Variants in TRMT1L observed in about 807,000 individuals in gnomAD.
The protein encoded by TRMT1L is tRNA (guanine(27)-N(2))-dimethyltransferase.
A neutral mutation model predicts 81.6 loss-of-function variants in TRMT1L; 28 were observed. That is an observed-to-expected ratio of 0.34 (90% CI 0.25 to 0.47). TRMT1L has a LOEUF of 0.47. TRMT1L is among the 20% of genes least tolerant of loss of function. The pLI is 1.00. For missense variants in TRMT1L, 739 were observed against 877.1 expected (o/e 0.84, Z 1.99); for synonymous variants, 301 against 303.2 (o/e 0.99, Z 0.07).
chr1:185,150,400 T>C lies in TRMT1L; in HGVS notation c.439A>G (p.Lys147Glu), dbSNP rs1653309217. The C allele has an allele frequency of 1.9e-6, 3 of 1,613,200 alleles. No homozygotes were observed. Among genetic ancestry groups the C allele is most frequent in the African/African-American group, 1.3e-5 (1 of 74,924 alleles). Residue 147 changes from lysine (K) to glutamate (E), a missense_variant, in exon 3 of 15, where the codon AAA (lysine) becomes GAA (glutamate). Around this residue, in one of 4 missense-constraint regions of TRMT1L, gnomAD observed 331 missense variants for 462.2 expected, o/e 0.72. Coordinates refer to ENST00000367506, the MANE Select transcript of TRMT1L (RefSeq NM_030934.5). ...LRRHLQNLHW[K>E]VSVEFEGYRM... The stretch of plus-strand genomic sequence containing the variant: ...TAACCTTCAAATTCAACTGAGACTT[T>C]CCAGTGTAAATTCTGGAGGTGACGA...
In TRMT1L at chr1:185,156,509, G is replaced by C. The variant is rs1425674458; in HGVS notation, c.204C>G (p.Ser68=). The C allele has an allele frequency of 6.2e-7, 1 of 1,613,842 alleles. No individual in the cohort carries two copies. The highest frequency in any genetic ancestry group is 1.7e-5 in the Admixed American group (1 of 60,012). ...ALAQAPALSP[S]LASAPEEAKS... ...TAGCCTCCTCAGGGGCAGAGGCTAG[G>C]GACGGGGACAGGGCCGGAGCCTGGG... Residue 68 remains serine (S), a synonymous_variant, in exon 1 of 15, where the codon TCC becomes TCG. Transcript: ENST00000367506.
At position 185,119,240 on chromosome 1, in the gene TRMT1L, T is replaced by G. The variant is rs1403896174; in HGVS notation, c.*779A>C. 1 of 152,114 alleles carries G rather than the reference T, an allele frequency of 6.6e-6. No homozygotes were observed. The highest frequency in any genetic ancestry group is 1.5e-5 in the Non-Finnish European group (1 of 67,998). 9.4% of individuals were successfully genotyped at this position (152,114 alleles called of 1,614,324 possible). ...GTAGTACAACCAACCAAATGAATAC[T>G]GTACGTGCATTAACTGAGGCACTTA... On this transcript the variant is annotated 3_prime_UTR_variant, in exon 15 of 15. Transcript: ENST00000367506.
chr1:185,131,063 G>A lies in TRMT1L; in HGVS notation c.1514-2316C>T, dbSNP rs573774999. On this transcript the variant is annotated intron_variant, in intron 10 of 14. Coordinates refer to ENST00000367506, the MANE Select transcript of TRMT1L (RefSeq NM_030934.5). ...TGCCTAGGCTCAAGTGCAGTGGTGC[G>A]ATCTTGGCTCACTGCAAGCTCCGCC... is the stretch of plus-strand genomic sequence containing the variant. 1.8e-4 allele frequency among the ~76,000 whole-genome samples: 27 copies of A among 151,832 alleles called. No homozygotes were observed. The East Asian group carries it at 3.9e-3, about 22-fold the overall frequency.
chr1:185,153,884 T>C (rs1197529950), intron 1 of TRMT1L, among the ~76,000 whole-genome samples: 1 of 152,218 alleles, frequency 6.6e-6, no homozygotes, highest in Non-Finnish European at 1.5e-5. Flanking sequence ...TTCTTGATAT[T>C]AGCACCTTCT....
intron 9 of TRMT1L, 29 bp from the exon 10 acceptor site, chr1:185,137,825 T>C (rs1468814526): frequency 1.2e-6 from 2 of 1,606,594 alleles, no homozygotes; most frequent in South Asian, 2.2e-5. Context: ...AGTTATTTTG[T>C]GGGCTTATCA....
At chr1:185,136,421 A>T (rs192586008) in intron 10 of TRMT1L, among the ~76,000 whole-genome samples, 3 of 152,224 alleles carry the variant, frequency 2.0e-5, no homozygotes, top group East Asian at 1.9e-4. Context: ...GAAAAAAAAT[A>T]AAAAAATAGA....
At chr1:185,151,707 C>T in intron 2 of TRMT1L, 118 bp downstream of exon 2, 3 of 545,178 alleles carry the variant, frequency 5.5e-6, no homozygotes, top group African/African-American at 2.0e-5. Context: ...TGTATTTTAC[C>T]ACTGTTCTAG....
intron 9 of TRMT1L, 51 bp downstream of exon 9, chr1:185,139,316 C>CT: frequency 1.4e-6 from 2 of 1,469,922 alleles, no homozygotes; most frequent in Non-Finnish European, 1.9e-6. Flanking sequence ...AATATTATCT[C>CT]TTTTTATCAA....
chr1:185,127,876 G>A (rs528049691), intron 11 of TRMT1L, among the ~76,000 whole-genome samples: 6 of 152,054 alleles, frequency 3.9e-5, no homozygotes, highest in Non-Finnish European at 8.8e-5. Flanking sequence ...TACTTTGGGA[G>A]GCTGAGCCAG....
At chr1:185,144,121 T>C in intron 5 of TRMT1L, 92 bp from the exon 6 acceptor site, 1 of 1,194,770 alleles carries the variant, frequency 8.4e-7, no homozygotes, top group Non-Finnish European at 1.1e-6. Flanking sequence ...TGTAAACATC[T>C]AAAACAATAA....
intron 11 of TRMT1L, among the ~76,000 whole-genome samples, chr1:185,127,876 G>T (rs528049691): frequency 6.6e-6 from 1 of 152,172 alleles, no homozygotes; most frequent in South Asian, 2.1e-4. Context: ...TACTTTGGGA[G>T]GCTGAGCCAG....
intron 11 of TRMT1L, among the ~76,000 whole-genome samples, chr1:185,125,491 C>A (rs1250275367): frequency 6.6e-6 from 1 of 151,976 alleles, no homozygotes; most frequent in African/African-American, 2.4e-5. Flanking sequence ...TTCTATTTGC[C>A]ACTCATTTTT....
chr1:185,150,577 T>G, intron 2 of TRMT1L, 85 bp from the exon 3 acceptor site: 1 of 879,764 alleles, frequency 1.1e-6, no homozygotes, highest in Non-Finnish European at 1.8e-6. Flanking sequence ...TAATGGGGGC[T>G]CCCCCTCCTA....
intron 4 of TRMT1L, among the ~76,000 whole-genome samples, 154 bp from the exon 5 acceptor site, chr1:185,145,722 C>T (rs1653171455): frequency 6.6e-6 from 1 of 151,952 alleles, no homozygotes; most frequent in Non-Finnish European, 1.5e-5. Context: ...AACTTCCTTA[C>T]CTGCATTTAC....
intron 7 of TRMT1L, among the ~76,000 whole-genome samples, chr1:185,142,928 T>G (rs1413338141): frequency 6.6e-6 from 1 of 152,204 alleles, no homozygotes; most frequent in South Asian, 2.1e-4. Flanking sequence ...TTAAAACATA[T>G]TATGAGATAA....
chr1:185,123,853 A>G lies in TRMT1L; in HGVS notation c.1822+4T>C. ...CATATGTACACACATATATGCATAC[A>G]TACCTTGTGCAATGTAATTATCTGT... On this transcript the variant is annotated splice_donor_region_variant and intron_variant, in intron 13 of 14. Transcript: ENST00000367506. 6.7e-7 allele frequency: 1 copy of G among 1,500,014 alleles called. No individual in the cohort carries two copies. The highest frequency in any genetic ancestry group is 8.9e-7 in the Non-Finnish European group (1 of 1,120,198). 92.9% of individuals were successfully genotyped at this position (1,500,014 alleles called of 1,614,324 possible).
At chr1:185,139,773 G>A (rs1652989018) in intron 8 of TRMT1L, among the ~76,000 whole-genome samples, 194 bp from the exon 9 acceptor site, 1 of 152,104 alleles carries the variant, frequency 6.6e-6, no homozygotes, top group South Asian at 2.1e-4. Context: ...ATAAATTCGG[G>A]TTAGAGGAAA....
chr1:185,151,028 C>T (rs577620483), intron 2 of TRMT1L, among the ~76,000 whole-genome samples: 24 of 152,228 alleles, frequency 1.6e-4, no homozygotes, highest in African/African-American at 5.8e-4. Context: ...TTACAGCCAC[C>T]GTATCCATTA....
chr1:185,120,528 A>G lies in TRMT1L; in HGVS notation c.1823-19T>C. ...CTCTTTCCTGCAACATACACATACA[A>G]AGTTAGCATGCTCTTAAAAATTACA... On this transcript the variant is annotated intron_variant, in intron 13 of 14. Transcript: ENST00000367506. 6.5e-7 allele frequency: 1 copy of G among 1,543,164 alleles called. No homozygotes were observed. Among genetic ancestry groups the G allele is most frequent in the Non-Finnish European group, 8.7e-7 (1 of 1,151,812 alleles).
Sources: allele counts gnomAD v4.1 joint callset (sites outside exome capture counted in the v4.1 genomes callset), GRCh38; gene constraint gnomAD v4.1.1; regional missense constraint gnomAD v4.1.1; transcripts MANE v1.5; gene names NCBI Gene and HGNC (gene_info 2026-07-23, HGNC 2026-07-21).